The following WWOX variants were observed in gnomAD, a reference collection of about 807,000 sequenced individuals.
The protein encoded by WWOX is WW domain-containing oxidoreductase.
WWOX carries 69 observed loss-of-function variants against 46.2 expected under a neutral mutation model. The observed-to-expected ratio is 1.49, with a 90% CI of 1.23 to 1.82. The LOEUF is 1.82. WWOX is among the 40% of genes most tolerant of loss of function. The probability of loss-of-function intolerance (pLI) is 0.00; values close to 1 mark genes in which losing one functional copy is unlikely to be tolerated. For synonymous variants in WWOX, 359 were observed against 202.6 expected (o/e 1.77, Z -6.56); for missense variants, 919 against 542.6 (o/e 1.69, Z -6.89).
chr16:78,895,861 G>T (rs1171312238), intron 8 of WWOX: 1 of 152,156 alleles, frequency 6.6e-6, no homozygotes, highest in African/African-American at 2.4e-5. Flanking sequence ...ATGCCAGGAA[G>T]CTGATACAGT....
In WWOX at chr16:78,997,789, G is replaced by A. The variant is rs891054962; in HGVS notation, c.1057-213819G>A. ...TTGTAAGGTCAACCAAGTATGGGATGGGGACCGGAATAGATTTTCTCTGCA... is the reference window on the plus strand; with the variant it reads ...TTGTAAGGTCAACCAAGTATGGGATAGGGACCGGAATAGATTTTCTCTGCA... On this transcript the variant is annotated intron_variant, in intron 8 of 8. Coordinates refer to ENST00000566780, the MANE Select transcript of WWOX (RefSeq NM_016373.4). Among the ~76,000 whole-genome samples, 8 of 152,298 alleles carry A rather than the reference G, an allele frequency of 5.3e-5. No homozygotes were observed. In the East Asian group the frequency reaches 7.7e-4, roughly 15 times the overall value.
intron 8 of WWOX, among the ~76,000 whole-genome samples, chr16:78,656,649 C>G (rs1004239265): frequency 6.6e-6 from 1 of 152,162 alleles, no homozygotes; most frequent in African/African-American, 2.4e-5. Context: ...CCGGGCCCCT[C>G]CTCCAACATT....
chr16:79,160,852 A>T (rs2050472359), intron 8 of WWOX, among the ~76,000 whole-genome samples: 1 of 150,762 alleles, frequency 6.6e-6, no homozygotes, highest in Non-Finnish European at 1.5e-5. Flanking sequence ...GTGTGTACGT[A>T]TACACGCACA....
intron 8 of WWOX, among the ~76,000 whole-genome samples, chr16:78,910,623 C>T (rs2045085438): frequency 6.6e-6 from 1 of 151,834 alleles, no homozygotes; most frequent in Non-Finnish European, 1.5e-5. Flanking sequence ...CTCACAATTC[C>T]ACATGGCGGT....
chr16:78,150,844 C>T (rs1479235101), intron 4 of WWOX, among the ~76,000 whole-genome samples: 1 of 152,194 alleles, frequency 6.6e-6, no homozygotes, highest in Non-Finnish European at 1.5e-5. Flanking sequence ...ATAAAAGACT[C>T]TCCCCTCACC....
At chr16:78,419,567 C>T (rs1448579184) in intron 6 of WWOX, among the ~76,000 whole-genome samples, 2 of 145,544 alleles carry the variant, frequency 1.4e-5, no homozygotes, top group African/African-American at 5.3e-5. Flanking sequence ...CACTGGATAG[C>T]CCCATGCAAA....
At chr16:78,545,807 C>T (rs1026534212) in intron 8 of WWOX, among the ~76,000 whole-genome samples, 10 of 152,260 alleles carry the variant, frequency 6.6e-5, no homozygotes, top group Admixed American at 1.3e-4. Flanking sequence ...TGCAGACGGC[C>T]GCCTTCTTGC....
chr16:78,693,867 G>T (rs1045568248), intron 8 of WWOX, among the ~76,000 whole-genome samples: 1 of 152,098 alleles, frequency 6.6e-6, no homozygotes, highest in African/African-American at 2.4e-5. Context: ...TTTTCCCACT[G>T]AAGTTGTGGT....
At chr16:79,167,284 A>C (rs1018457115) in intron 8 of WWOX, among the ~76,000 whole-genome samples, 3 of 152,182 alleles carry the variant, frequency 2.0e-5, no homozygotes, top group Admixed American at 6.5e-5. Flanking sequence ...ATTAGCAAAG[A>C]AGCAAATATG....
chr16:78,681,784 C>T (rs934485932), intron 8 of WWOX, among the ~76,000 whole-genome samples: 2 of 152,206 alleles, frequency 1.3e-5, no homozygotes, highest in Non-Finnish European at 2.9e-5. Flanking sequence ...GGCGTACTAT[C>T]TATTTGGCCT....
At chr16:78,773,620 T>G (rs1183459744) in intron 8 of WWOX, among the ~76,000 whole-genome samples, 1 of 152,150 alleles carries the variant, frequency 6.6e-6, no homozygotes, top group African/African-American at 2.4e-5. Context: ...TATAATAGAG[T>G]GCAGGTGCCT....
intron 8 of WWOX, chr16:79,101,199 G>C (rs970582565): frequency 5.9e-5 from 9 of 152,210 alleles, no homozygotes; most frequent in Non-Finnish European, 5.9e-5. Flanking sequence ...TGCAAAGAGA[G>C]ATCTTTGGAG....
At chr16:78,951,604 C>T (rs1023382252) in intron 8 of WWOX, among the ~76,000 whole-genome samples, 7 of 152,202 alleles carry the variant, frequency 4.6e-5, no homozygotes, top group Admixed American at 4.6e-4. Flanking sequence ...TATACTGCTC[C>T]ATCAATACCC....
intron 8 of WWOX, among the ~76,000 whole-genome samples, chr16:78,927,100 C>T (rs1045969587): frequency 3.3e-5 from 5 of 152,162 alleles, no homozygotes; most frequent in Non-Finnish European, 5.9e-5. Flanking sequence ...CCTGCCCAGG[C>T]ACCATTCTTG....
chr16:78,414,836 G>A (rs1339261090), intron 6 of WWOX, among the ~76,000 whole-genome samples: 4 of 152,098 alleles, frequency 2.6e-5, no homozygotes, highest in African/African-American at 9.7e-5. Flanking sequence ...CTTGGCCCAT[G>A]CCCAGGAATG....
At chr16:78,855,092 C>A (rs565092962) in intron 8 of WWOX, among the ~76,000 whole-genome samples, 4 of 152,046 alleles carry the variant, frequency 2.6e-5, no homozygotes, top group African/African-American at 9.7e-5. Context: ...GGACCACCCC[C>A]CAATTATTAC....
intron 6 of WWOX, among the ~76,000 whole-genome samples, chr16:78,423,681 A>C (rs927029047): frequency 4.6e-5 from 7 of 151,980 alleles, no homozygotes; most frequent in African/African-American, 1.4e-4. Flanking sequence ...TACAAAAATA[A>C]AAAATAAGAA....
chr16:78,107,308 T>A (rs8049744), intron 1 of WWOX, among the ~76,000 whole-genome samples: 11,520 of 152,232 alleles, frequency 0.076, 890 homozygotes, highest in African/African-American at 0.2. Context: ...TTGACCTATG[T>A]TTTTAATTAT....
intron 8 of WWOX, among the ~76,000 whole-genome samples, chr16:78,812,034 C>A (rs111506222): frequency 6.6e-6 from 1 of 152,066 alleles, no homozygotes; most frequent in Non-Finnish European, 1.5e-5. Context: ...TTACCCTCAT[C>A]ATTGTTTACC....
Sources: gnomAD v4.1 joint callset for allele counts (sites outside exome capture counted in the v4.1 genomes callset) on GRCh38, gnomAD v4.1.1 for gene constraint, MANE v1.5 for transcripts, NCBI Gene and HGNC (gene_info 2026-07-23, HGNC 2026-07-21) for gene names.